NBAS: variants seen among roughly 807,000 people sequenced by gnomAD.
The protein encoded by NBAS is NBAS subunit of NRZ tethering complex, also known as NAG/BC035112 fusion.
NBAS carries 219 observed loss-of-function variants against 302.5 expected under a neutral mutation model. That is an observed-to-expected ratio of 0.72 (90% confidence interval 0.65 to 0.81). The LOEUF is 0.81. Ranked by LOEUF, NBAS falls within the 30% of genes least tolerant of loss-of-function variation. The probability of loss-of-function intolerance (pLI) is 0.00; values close to 1 mark genes in which losing one functional copy is unlikely to be tolerated. For synonymous variants in NBAS, 1,118 were observed against 1,021.6 expected (o/e 1.09, Z -1.80); for missense variants, 2,932 against 2,841.6 (o/e 1.03, Z -0.72).
the NBAS span, among the ~76,000 whole-genome samples, chr2:14,880,745 A>G: frequency 6.6e-6 from 1 of 152,086 alleles, no homozygotes; most frequent in Non-Finnish European, 1.5e-5. Flanking sequence ...ACAATGTAAC[A>G]GAACTAATAT....
chr2:15,060,603 C>A, the NBAS span, among the ~76,000 whole-genome samples: 1 of 152,100 alleles, frequency 6.6e-6, no homozygotes, highest in Non-Finnish European at 1.5e-5. Flanking sequence ...TGAGGGAGCA[C>A]ACACAGCCCT....
At chr2:15,477,438 T>C (rs1680239235) in intron 13 of NBAS, among the ~76,000 whole-genome samples, 1 of 152,118 alleles carries the variant, frequency 6.6e-6, no homozygotes, top group South Asian at 2.1e-4. Context: ...ATTTTTTATT[T>C]CCAGTAGAGA....
chr2:15,543,661 C>T (rs551077719), intron 6 of NBAS, among the ~76,000 whole-genome samples: 9 of 152,234 alleles, frequency 5.9e-5, no homozygotes, highest in African/African-American at 1.9e-4. Context: ...CAGAAACCCC[C>T]GATAAAACCA....
chr2:14,805,237 G>A, the NBAS span, among the ~76,000 whole-genome samples: 3 of 152,198 alleles, frequency 2.0e-5, no homozygotes, highest in African/African-American at 7.2e-5. Flanking sequence ...CCAGAGGAAA[G>A]GGTAGTCCTT....
At chr2:15,553,985 A>G in intron 4 of NBAS, 76 bp downstream of exon 4, 1 of 1,272,040 alleles carries the variant, frequency 7.9e-7, no homozygotes, top group Admixed American at 1.8e-5. Flanking sequence ...AGCCACAAGC[A>G]TTCCAAAATT....
chr2:14,838,974 A>G, the NBAS span, among the ~76,000 whole-genome samples: 2 of 152,040 alleles, frequency 1.3e-5, no homozygotes, highest in Admixed American at 1.3e-4. Flanking sequence ...AACTAAATAT[A>G]AAAATGTTTT....
the NBAS span, among the ~76,000 whole-genome samples, chr2:14,901,588 A>T: frequency 6.6e-6 from 1 of 152,234 alleles, no homozygotes; most frequent in Non-Finnish European, 1.5e-5. Context: ...AATAAATGAG[A>T]ACAGCTGAAA....
At chr2:15,098,292 A>ATACTATATTATATATGATATATTG in the NBAS span, among the ~76,000 whole-genome samples, 8 of 2,790 alleles carry the variant, frequency 2.9e-3, 2 homozygotes, top group Non-Finnish European at 3.2e-3. Flanking sequence ...AATATATATT[A>ATACTATATTATATATGATATATTG]TATACAATAT....
rs1675890569 is a variant in NBAS, at chr2:15,396,873, C to T, written c.3072-398G>A. On this transcript the variant is annotated intron_variant, in intron 26 of 51. Transcript: ENST00000281513. ...GTTGGCTTTCTCCTAGGCCTATCTA[C>T]ACAACTTAGGACCCCTCCTCTCCAG... Among the ~76,000 whole-genome samples the T allele has an allele frequency of 2.0e-5, 3 of 152,328 alleles. No individual in the cohort carries two copies. The South Asian group carries it at 6.2e-4, about 32-fold the overall frequency.
At chr2:15,324,179 T>C (rs919005065) in intron 38 of NBAS, among the ~76,000 whole-genome samples, 9 of 152,178 alleles carry the variant, frequency 5.9e-5, no homozygotes, top group African/African-American at 2.2e-4. Flanking sequence ...GCCCATTTTA[T>C]AGATAAGAAA....
intron 42 of NBAS, among the ~76,000 whole-genome samples, chr2:15,285,563 T>C (rs1437594228): frequency 6.6e-6 from 1 of 152,218 alleles, no homozygotes; most frequent in Non-Finnish European, 1.5e-5. Flanking sequence ...TCCAGCTCCA[T>C]TTGAACCCCA....
intron 42 of NBAS, among the ~76,000 whole-genome samples, 190 bp from the exon 43 acceptor site, chr2:15,277,291 T>C (rs1165625010): frequency 6.6e-6 from 1 of 152,192 alleles, no homozygotes; most frequent in African/African-American, 2.4e-5. Context: ...CCTACTAACA[T>C]TTAACTGACT....
chr2:14,834,792 A>G, the NBAS span, among the ~76,000 whole-genome samples: 2 of 152,066 alleles, frequency 1.3e-5, no homozygotes, highest in African/African-American at 2.4e-5. Flanking sequence ...AAGGTTAAGA[A>G]TGATTTCTGT....
At chr2:14,933,281 C>A in the NBAS span, among the ~76,000 whole-genome samples, 2 of 152,264 alleles carry the variant, frequency 1.3e-5, no homozygotes, top group South Asian at 4.2e-4. Flanking sequence ...TGGTAAGGAA[C>A]AAAAACATTT....
chr2:14,956,758 C>G, the NBAS span, among the ~76,000 whole-genome samples: 1 of 152,090 alleles, frequency 6.6e-6, no homozygotes, highest in Non-Finnish European at 1.5e-5. Flanking sequence ...AAACCACCCC[C>G]CAAGATTCAA....
At chr2:15,021,746 A>G in the NBAS span, among the ~76,000 whole-genome samples, 1 of 152,210 alleles carries the variant, frequency 6.6e-6, no homozygotes, top group Admixed American at 6.5e-5. Context: ...GCTTCTGGAC[A>G]GCACATAGCA....
intron 7 of NBAS, among the ~76,000 whole-genome samples, chr2:15,537,970 C>T (rs1404072129): frequency 6.6e-6 from 1 of 152,160 alleles, no homozygotes; most frequent in Non-Finnish European, 1.5e-5. Context: ...ACACTTGATA[C>T]ACGGCTAGTC....
intron 51 of NBAS, 80 bp from the exon 52 acceptor site, chr2:15,167,403 G>C (rs1221407604): frequency 2.6e-6 from 4 of 1,542,180 alleles, no homozygotes; most frequent in Non-Finnish European, 3.5e-6. Context: ...CTCTCCACTG[G>C]GCTGCCTTCA....
intron 6 of NBAS, among the ~76,000 whole-genome samples, chr2:15,550,949 C>G (rs1204212770): frequency 1.3e-5 from 2 of 152,042 alleles, no homozygotes; most frequent in Non-Finnish European, 2.9e-5. Flanking sequence ...CATCTGACAC[C>G]CCCGATTAAG....
Sources: allele counts gnomAD v4.1 joint callset (sites outside exome capture counted in the v4.1 genomes callset), GRCh38; gene constraint gnomAD v4.1.1; transcripts MANE v1.5; gene names NCBI Gene and HGNC (gene_info 2026-07-23, HGNC 2026-07-21).